Variants in WDR43 observed in about 807,000 individuals in gnomAD.
The protein encoded by WDR43 is WD repeat-containing protein 43.
In WDR43, 13 loss-of-function variants were observed where a neutral mutation model predicts 91.4. The observed-to-expected ratio is 0.14, with a 90% CI of 0.09 to 0.23. The LOEUF is 0.23. Ranked by LOEUF, WDR43 falls within the 10% of genes least tolerant of loss-of-function variation. WDR43 has a pLI of 1.00. For synonymous variants in WDR43, 331 were observed against 287.9 expected, an observed-to-expected ratio of 1.15 and a Z score of -1.51; for missense variants, 780 against 809.4, an observed-to-expected ratio of 0.96 and a Z score of 0.44.
intron 1 of WDR43, among the ~76,000 whole-genome samples, chr2:28,900,781 G>A (rs1033623010): frequency 5.3e-5 from 8 of 152,084 alleles, no homozygotes; most frequent in African/African-American, 1.9e-4. Flanking sequence ...ACATTTCTAA[G>A]GACTTGCAAG....
At chr2:28,923,960 A>T (rs1671082572) in intron 7 of WDR43, among the ~76,000 whole-genome samples, 1 of 152,158 alleles carries the variant, frequency 6.6e-6, no homozygotes. Flanking sequence ...ATAGAGGGTG[A>T]AAGGCTAAAG....
chr2:28,944,039 G>A (rs902247640), intron 16 of WDR43, among the ~76,000 whole-genome samples: 1 of 152,124 alleles, frequency 6.6e-6, no homozygotes, highest in Non-Finnish European at 1.5e-5. Context: ...AGGACCTGTG[G>A]GGATGCCCAG....
intron 1 of WDR43, among the ~76,000 whole-genome samples, chr2:28,900,402 T>C (rs890732864): frequency 1.3e-5 from 2 of 152,148 alleles, no homozygotes; most frequent in Admixed American, 1.3e-4. Context: ...CAGGCTGGTC[T>C]TGAACTCCTG....
intron 1 of WDR43, 105 bp from the exon 2 acceptor site, chr2:28,901,882 C>G (rs1390734729): frequency 2.8e-5 from 32 of 1,158,284 alleles, no homozygotes; most frequent in Non-Finnish European, 3.6e-5. Flanking sequence ...CTCTTCCCCC[C>G]TTTTAAAATG....
In WDR43 at chr2:28,922,995, A is replaced by G; in HGVS notation, c.914+12A>G. The G allele has an allele frequency of 1.2e-6, 2 of 1,607,036 alleles. No individual in the cohort carries two copies. The highest frequency in any genetic ancestry group is 1.7e-6 in the Non-Finnish European group (2 of 1,177,526). ...CACATATTAAATGGGTAAGTAAGAA[A>G]TTTTCCAAGTAAGAAATTTGTTTCT... On this transcript the variant is annotated intron_variant, in intron 7 of 17. Coordinates refer to ENST00000407426, the MANE Select transcript of WDR43 (RefSeq NM_015131.3).
intron 11 of WDR43, among the ~76,000 whole-genome samples, chr2:28,931,870 C>G (rs983226122): frequency 7.0e-6 from 1 of 142,290 alleles, no homozygotes; most frequent in Non-Finnish European, 1.5e-5. Flanking sequence ...CCCTTCCCCC[C>G]GCCCTTTTTT....
intron 1 of WDR43, among the ~76,000 whole-genome samples, chr2:28,900,373 G>A (rs933953753): frequency 2.0e-5 from 3 of 151,964 alleles, no homozygotes; most frequent in Admixed American, 6.6e-5. Context: ...TAGTAGAGAC[G>A]GGGTTTCACC....
chr2:28,924,695 G>T (rs990987276), intron 7 of WDR43, among the ~76,000 whole-genome samples: 4 of 152,216 alleles, frequency 2.6e-5, no homozygotes, highest in African/African-American at 9.6e-5. Flanking sequence ...TGAAGTACAG[G>T]GTGGCAAGAG....
At chr2:28,895,615 G>A (rs1240344850) in intron 1 of WDR43, among the ~76,000 whole-genome samples, 1 of 152,186 alleles carries the variant, frequency 6.6e-6, no homozygotes, top group Non-Finnish European at 1.5e-5. Context: ...TTAGGATGTG[G>A]AGGTTAAGTG....
intron 8 of WDR43, 53 bp from the exon 9 acceptor site, chr2:28,926,415 T>G: frequency 7.5e-7 from 1 of 1,327,328 alleles, no homozygotes; most frequent in Non-Finnish European, 1.0e-6. Flanking sequence ...TGTTTGACAC[T>G]CTTTTTTTTT....
Position 28,931,375 on chromosome 2 carries a change from G to A in WDR43, c.1437+1665G>A, listed in dbSNP as rs6719633. Among the ~76,000 whole-genome samples, 925 of 152,178 alleles carry A rather than the reference G, an allele frequency of 6.1e-3. 9 individuals are homozygous for A. Among genetic ancestry groups the A allele is most frequent in the African/African-American group, 0.021 (860 of 41,536 alleles). Reference sequence around the variant, plus strand: ...GATTACAGGCGTGAGCCACTGTGCCGGCCTATTTTTGCTTTCTTTAAAACA... The same window carrying A: ...GATTACAGGCGTGAGCCACTGTGCCAGCCTATTTTTGCTTTCTTTAAAACA... On this transcript the variant is annotated intron_variant, in intron 11 of 17. Transcript: ENST00000407426.
chr2:28,897,240 A>G (rs1202013363), intron 1 of WDR43, among the ~76,000 whole-genome samples: 4 of 152,178 alleles, frequency 2.6e-5, no homozygotes, highest in South Asian at 2.1e-4. Context: ...ACTTGCACAT[A>G]TATTATGGTA....
intron 3 of WDR43, among the ~76,000 whole-genome samples, chr2:28,906,983 T>A (rs1670693582): frequency 6.6e-6 from 1 of 152,076 alleles, no homozygotes; most frequent in African/African-American, 2.4e-5. Flanking sequence ...GAGACAGGAA[T>A]GTAAAAGATT....
Position 28,912,680 on chromosome 2 carries a change from A to G in WDR43, c.576A>G (p.Leu192=), listed in dbSNP as rs751723763. ...TTTCAGCTGGTCGAACAATCAAACT[A>G]TGGGTTTTGGAGACCAAAGAAGTCT... ...MLLSAGRTIK[L]WVLETKEVYR... is the part of the protein sequence containing the mutation. The change falls in exon 4 of 18, where the codon CTA becomes CTG. Residue 192 remains leucine, a synonymous_variant. Transcript: ENST00000407426. The G allele has an allele frequency of 1.9e-6, 3 of 1,613,890 alleles. No individual in the cohort carries two copies. The highest frequency in any genetic ancestry group is 1.3e-5 in the African/African-American group (1 of 74,938).
chr2:28,926,134 T>A (rs1162160723), intron 8 of WDR43, among the ~76,000 whole-genome samples: 6 of 152,206 alleles, frequency 3.9e-5, no homozygotes, highest in Non-Finnish European at 8.8e-5. Flanking sequence ...AAAAGGATGA[T>A]GAACTGATAC....
rs562934055 is a variant in WDR43 at position 28,944,767 on chromosome 2, A to G, written c.1805-1683A>G. Among the ~76,000 whole-genome samples, 4 of 152,384 alleles carry G rather than the reference A, an allele frequency of 2.6e-5. No homozygotes were observed. In the South Asian group the frequency reaches 8.3e-4, roughly 32 times the overall value. On this transcript the variant is annotated intron_variant, in intron 16 of 17. Coordinates refer to ENST00000407426, the MANE Select transcript of WDR43 (RefSeq NM_015131.3). Reference sequence around the variant, plus strand: ...AACATAAGCTCCGCGATACTGCAACATTCGATTTGATAACTGAGGTGGCTA... The same window carrying G: ...AACATAAGCTCCGCGATACTGCAACGTTCGATTTGATAACTGAGGTGGCTA...
intron 11 of WDR43, among the ~76,000 whole-genome samples, chr2:28,931,070 A>G (rs1412103771): frequency 7.0e-6 from 1 of 142,856 alleles, no homozygotes; most frequent in Admixed American, 7.0e-5. Context: ...CTTTTTTTTT[A>G]TTTCTGCTTT....
rs773752541 is a variant in WDR43, at chr2:28,941,450, T to G, written c.1621-11T>G. On this transcript the variant is annotated splice_polypyrimidine_tract_variant and intron_variant, in intron 14 of 17. Coordinates refer to ENST00000407426, the MANE Select transcript of WDR43 (RefSeq NM_015131.3). Reference sequence around the variant, plus strand: ...ACGTTAATAGTGCCAAATGATCATTTTTTTCTCTAGTTGCCTGACCTGGTA... The same window carrying G: ...ACGTTAATAGTGCCAAATGATCATTGTTTTCTCTAGTTGCCTGACCTGGTA... 5 of 1,602,752 alleles carry G rather than the reference T, an allele frequency of 3.1e-6. No homozygotes were observed. The highest frequency in any genetic ancestry group is 1.3e-5 in the African/African-American group (1 of 74,828).
rs1454770536 is a variant in WDR43 at position 28,894,709 on chromosome 2, G to C, written c.11G>C (p.Gly4Ala). The part of the protein sequence containing the change: MAA[G>A]GGGSCDPLAP... ...GGGGCCAGAGCAGCAATGGCGGCGG[G>C]CGGCGGCGGTAGCTGCGACCCCCTG... Residue 4 changes from glycine (G) to alanine (A), a missense_variant, in exon 1 of 18, where the codon GGC becomes GCC. Around this residue, in one of 4 missense-constraint regions of WDR43, gnomAD observed 175 missense variants for 113.8 expected, o/e 1.54. Coordinates refer to ENST00000407426, the MANE Select transcript of WDR43 (RefSeq NM_015131.3). The C allele has an allele frequency of 6.4e-7, 1 of 1,560,134 alleles. No individual in the cohort carries two copies. The highest frequency in any genetic ancestry group is 1.9e-5 in the Admixed American group (1 of 51,722).
Sources: gnomAD v4.1 joint callset for allele counts (sites outside exome capture counted in the v4.1 genomes callset) on GRCh38, gnomAD v4.1.1 for gene constraint, gnomAD v4.1.1 regional missense constraint, MANE v1.5 for transcripts, NCBI Gene and HGNC (gene_info 2026-07-23, HGNC 2026-07-21) for gene names.